Variants in PTPRN2 observed in about 807,000 individuals in gnomAD.
PTPRN2 encodes the protein protein tyrosine phosphatase receptor type N2, also known as receptor-type tyrosine-protein phosphatase N2.
A neutral mutation model predicts 118.8 loss-of-function variants in PTPRN2; 74 were observed. The observed-to-expected ratio is 0.62, with a 90% confidence interval of 0.52 to 0.76. PTPRN2 has a LOEUF of 0.76. Among genes scored for constraint, PTPRN2 ranks in the 30% least tolerant of loss-of-function variants. PTPRN2 has a pLI of 0.00. For synonymous variants in PTPRN2, 641 were observed against 608.0 expected (o/e 1.05, Z -0.80); for missense variants, 1,481 against 1,394.4 (o/e 1.06, Z -0.99).
chr7:157,614,025 CG>C (rs777888758), intron 15 of PTPRN2: 1 of 471,298 alleles, frequency 2.1e-6, no homozygotes, highest in South Asian at 1.5e-5. Flanking sequence ...CCACAAGCAA[CG>C]GGATGCCTTG....
At chr7:157,604,936 G>A (rs1203729736) in intron 15 of PTPRN2, among the ~76,000 whole-genome samples, 5 of 152,220 alleles carry the variant, frequency 3.3e-5, no homozygotes, top group South Asian at 4.1e-4. Context: ...AGTGGAAGCC[G>A]CAAGAGCCCC....
At chr7:157,547,945 G>C (rs532162572) in intron 22 of PTPRN2, among the ~76,000 whole-genome samples, 1 of 152,334 alleles carries the variant, frequency 6.6e-6, no homozygotes, top group African/African-American at 2.4e-5. Flanking sequence ...AAGCTCCCTG[G>C]GGGGGCGCGT....
Position 157,813,607 on chromosome 7 carries a change from C to A in PTPRN2, c.1788+85066G>T, listed in dbSNP as rs572019306. 1.3e-5 allele frequency among the ~76,000 whole-genome samples: 2 copies of A among 152,046 alleles called. No homozygotes were observed. The highest frequency in any genetic ancestry group is 2.1e-4 in the South Asian group (1 of 4,836). ...GGACAAGATGCCCACGAATGATAAG[C>A]GCCTTTGCTGCCTCTGGGCGGGTCC... is the stretch of plus-strand genomic sequence containing the variant. On this transcript the variant is annotated intron_variant, in intron 12 of 22. Transcript: ENST00000389418. The surrounding 1 kb of genome is among the most constrained non-coding windows in gnomAD (Gnocchi z 4.7).
chr7:157,987,686 C>G lies in PTPRN2; in HGVS notation c.1724-88949G>C, dbSNP rs1164794202. 6.6e-6 allele frequency among the ~76,000 whole-genome samples: 1 copy of G among 152,144 alleles called. No individual in the cohort carries two copies. Among genetic ancestry groups the G allele is most frequent in the Non-Finnish European group, 1.5e-5 (1 of 68,026 alleles). ...TCCTCGGGCCTGTCCTAAATGCTAT[C>G]AGTCTTTCTCTAGAGATGGGGCAGT... On this transcript the variant is annotated intron_variant, in intron 11 of 22. Transcript: ENST00000389418. The surrounding 1 kb of genome is among the most constrained non-coding windows in gnomAD (Gnocchi z 4.3).
rs990975363 is a variant in PTPRN2, at chr7:157,903,876, C to T, written c.1724-5139G>A. ...AGGCTGTGGATTTCCATGCACGCTT[C>T]ACAAGCAGCTGTGAGGACCACGTGG... is the stretch of plus-strand genomic sequence containing the variant. On this transcript the variant is annotated intron_variant, in intron 11 of 22. Transcript: ENST00000389418. This position sits in a 1 kb window ranked among gnomAD's most constrained non-coding sequence, Gnocchi z 4.2. Among the ~76,000 whole-genome samples the T allele has an allele frequency of 6.6e-6, 1 of 152,190 alleles. No individual in the cohort carries two copies. Among genetic ancestry groups the T allele is most frequent in the African/African-American group, 2.4e-5 (1 of 41,460 alleles).
chr7:158,334,656 G>GAC (rs1445782777), intron 2 of PTPRN2, among the ~76,000 whole-genome samples: 14 of 74,008 alleles, frequency 1.9e-4, no homozygotes, highest in Non-Finnish European at 3.3e-4. Context: ...CACCATAATT[G>GAC]GTGACACCTG....
At chr7:158,183,415 C>A (rs987697642) in intron 5 of PTPRN2, among the ~76,000 whole-genome samples, 2 of 152,172 alleles carry the variant, frequency 1.3e-5, no homozygotes, top group South Asian at 4.1e-4. Context: ...GTGGCTGCAG[C>A]GTGCTTCCCA....
At chr7:158,047,000 G>A (rs1483998364) in intron 11 of PTPRN2, among the ~76,000 whole-genome samples, 1 of 152,202 alleles carries the variant, frequency 6.6e-6, no homozygotes, top group African/African-American at 2.4e-5. Flanking sequence ...CAAGGGAGGC[G>A]AGCGGCTGCG....
intron 3 of PTPRN2, among the ~76,000 whole-genome samples, chr7:158,213,993 G>A (rs1827792368): frequency 6.6e-6 from 1 of 152,106 alleles, no homozygotes; most frequent in South Asian, 2.1e-4. Context: ...CAACTACTCA[G>A]AATCATCTGT....
At chr7:158,102,580 G>A (rs1443072944) in intron 10 of PTPRN2, among the ~76,000 whole-genome samples, 1 of 152,160 alleles carries the variant, frequency 6.6e-6, no homozygotes. Context: ...GCAGCAACAG[G>A]TGAGTTTCCC....
intron 2 of PTPRN2, among the ~76,000 whole-genome samples, chr7:158,484,431 C>T (rs1820857832): frequency 1.3e-5 from 2 of 152,162 alleles, no homozygotes; most frequent in African/African-American, 4.8e-5. Flanking sequence ...GGTGTGAACT[C>T]GGCTCACCGT....
chr7:157,928,452 T>C (rs1317806308), intron 11 of PTPRN2, among the ~76,000 whole-genome samples: 3 of 152,160 alleles, frequency 2.0e-5, no homozygotes, highest in African/African-American at 7.2e-5. Context: ...AACACTCTTC[T>C]TGTGATGGTG....
intron 3 of PTPRN2, among the ~76,000 whole-genome samples, chr7:158,206,943 T>C (rs1402280950): frequency 1.5e-5 from 2 of 136,482 alleles, no homozygotes; most frequent in East Asian, 4.6e-4. Flanking sequence ...TATCTCCCAA[T>C]GCTATCCCTC....
intron 3 of PTPRN2, among the ~76,000 whole-genome samples, chr7:158,290,687 C>T (rs1368265701): frequency 1.3e-5 from 2 of 152,182 alleles, no homozygotes; most frequent in South Asian, 4.1e-4. Context: ...CTCACCACAA[C>T]ATGCTGCTAG....
intron 10 of PTPRN2, among the ~76,000 whole-genome samples, chr7:158,105,769 A>G (rs1019282338): frequency 1.3e-5 from 2 of 151,340 alleles, no homozygotes; most frequent in Non-Finnish European, 2.9e-5. Flanking sequence ...TTCCATCCAG[A>G]TGCATGCCCT....
intron 14 of PTPRN2, among the ~76,000 whole-genome samples, chr7:157,651,431 T>A (rs942773522): frequency 6.6e-6 from 1 of 152,196 alleles, no homozygotes; most frequent in Non-Finnish European, 1.5e-5. Flanking sequence ...TTTCCCAAGT[T>A]AAGTTCTATA....
At chr7:157,621,311 A>G (rs1343700777) in intron 15 of PTPRN2, 51 bp downstream of exon 15, 26 of 1,581,882 alleles carry the variant, frequency 1.6e-5, no homozygotes, top group Non-Finnish European at 2.2e-5. Flanking sequence ...CAGCACGGCC[A>G]GTTTCCACCG....
chr7:158,139,825 T>TAATG (rs1233200493), intron 6 of PTPRN2, among the ~76,000 whole-genome samples: 1 of 152,196 alleles, frequency 6.6e-6, no homozygotes, highest in Non-Finnish European at 1.5e-5. Context: ...ACGTTACAGA[T>TAATG]AATGAATGCC....
At chr7:158,403,318 A>C (rs1389801980) in intron 2 of PTPRN2, among the ~76,000 whole-genome samples, 1 of 152,194 alleles carries the variant, frequency 6.6e-6, no homozygotes, top group East Asian at 1.9e-4. Context: ...ACTGATGTGA[A>C]AACGTAAATA....
Sources: allele counts gnomAD v4.1 joint callset (sites outside exome capture counted in the v4.1 genomes callset), GRCh38; gene constraint gnomAD v4.1.1; non-coding constraint Gnocchi (gnomAD v3.1); transcripts MANE v1.5; gene names NCBI Gene and HGNC (gene_info 2026-07-23, HGNC 2026-07-21).